TP63: variants seen among roughly 807,000 people sequenced by gnomAD.
TP63 encodes the protein tumor protein p63.
In TP63, 17 loss-of-function variants were observed where a neutral mutation model predicts 82.8. The ratio of observed to expected loss-of-function variants is 0.21; its 90% CI spans 0.14 to 0.31. TP63 has a LOEUF of 0.31. Ranked by LOEUF, TP63 falls within the 10% of genes least tolerant of loss-of-function variation. TP63 has a pLI of 1.00. For synonymous variants in TP63, 330 were observed against 321.7 expected (o/e 1.03, Z -0.28); for missense variants, 648 against 895.3 (o/e 0.72, Z 3.52).
the TP63 span, among the ~76,000 whole-genome samples, chr3:189,606,877 G>A: frequency 4.6e-5 from 7 of 152,112 alleles, no homozygotes; most frequent in South Asian, 1.5e-3. Flanking sequence ...GCTGGGTGTG[G>A]TGATTCACTC....
intron 3 of TP63, among the ~76,000 whole-genome samples, chr3:189,803,919 G>T (rs1576993307): frequency 6.6e-6 from 1 of 152,184 alleles, no homozygotes. Context: ...TGCTGAGATA[G>T]ATATATAATG....
chr3:189,625,181 G>A, the TP63 span, among the ~76,000 whole-genome samples: 3 of 152,134 alleles, frequency 2.0e-5, no homozygotes, highest in Admixed American at 6.6e-5. Flanking sequence ...ACCTTGGAAG[G>A]AACTCTGCAA....
At chr3:189,840,782 G>A (rs1016069210) in intron 4 of TP63, among the ~76,000 whole-genome samples, 5 of 149,724 alleles carry the variant, frequency 3.3e-5, no homozygotes, top group Admixed American at 6.7e-5. Context: ...GCTTGAACCC[G>A]GGAGGCAGAG....
intron 1 of TP63, among the ~76,000 whole-genome samples, chr3:189,724,743 T>C (rs1029752298): frequency 6.6e-6 from 1 of 152,214 alleles, no homozygotes; most frequent in Non-Finnish European, 1.5e-5. Flanking sequence ...TCTCCTCTGT[T>C]CACATTCTGT....
chr3:189,860,554 C>T (rs939751216), intron 4 of TP63, among the ~76,000 whole-genome samples: 1 of 152,152 alleles, frequency 6.6e-6, no homozygotes, highest in African/African-American at 2.4e-5. Flanking sequence ...GAAAAAAAAG[C>T]GATTGTGCCA....
chr3:189,717,569 C>A lies in TP63; in HGVS notation c.63-20171C>A, dbSNP rs115604922. 6.9e-3 allele frequency among the ~76,000 whole-genome samples: 1,048 copies of A among 152,248 alleles called. 13 individuals are homozygous for A. The highest frequency in any genetic ancestry group is 0.024 in the African/African-American group (976 of 41,532). On this transcript the variant is annotated intron_variant, in intron 1 of 13. Transcript: ENST00000264731. ...TAAACTCAATACACTAAAAATATGA[C>A]CTCACAAGCCTGTAGGTCACAGATA...
In TP63 at chr3:189,890,767, C is replaced by T. The variant is rs898659966; in HGVS notation, c.1653-22C>T. 2.5e-6 allele frequency: 4 copies of T among 1,609,188 alleles called. No individual in the cohort carries two copies. In the African/African-American group the frequency reaches 4.0e-5, roughly 16 times the overall value. On this transcript the variant is annotated intron_variant, in intron 12 of 13. Coordinates refer to ENST00000264731, the MANE Select transcript of TP63 (RefSeq NM_003722.5). ...ACTTTCTTTTTCTGTTTCCTCCTTC[C>T]TCTTCCCTCCTCCCTCTGCAGTTTC...
intron 4 of TP63, among the ~76,000 whole-genome samples, chr3:189,836,463 T>C (rs1713166574): frequency 1.3e-5 from 2 of 152,166 alleles, no homozygotes; most frequent in Non-Finnish European, 2.9e-5. Flanking sequence ...AGCAAAGCGT[T>C]TTTGCTTTGT....
rs552873532 is a variant in TP63 at position 189,738,265 on chromosome 3, T to C, written c.192-377T>C. ...GCTGTGAAACGTATTATTATTTCTT[T>C]ATTAAAACAGGTTTGGATAAGTGAG... On this transcript the variant is annotated intron_variant, in intron 2 of 13. Transcript: ENST00000264731. 8.5e-5 allele frequency among the ~76,000 whole-genome samples: 13 copies of C among 152,354 alleles called. No homozygotes were observed. The South Asian group carries it at 2.7e-3, about 32-fold the overall frequency.
chr3:189,631,985 C>T (rs139186400), intron 1 of TP63, among the ~76,000 whole-genome samples: 46 of 152,186 alleles, frequency 3.0e-4, no homozygotes, highest in African/African-American at 1.1e-3. Context: ...GATAACTAGC[C>T]ATTGTTGTAC....
intron 4 of TP63, chr3:189,844,208 G>A (rs1317832692): frequency 2.8e-6 from 1 of 350,928 alleles, no homozygotes; most frequent in African/African-American, 2.3e-5. Flanking sequence ...GTCTCGCCTT[G>A]TCTCCCAGGC....
intron 4 of TP63, among the ~76,000 whole-genome samples, chr3:189,852,284 T>C (rs1397277174): frequency 6.6e-6 from 1 of 152,232 alleles, no homozygotes; most frequent in Non-Finnish European, 1.5e-5. Flanking sequence ...ATGTAATTTT[T>C]TTATTTGTCC....
In TP63 at chr3:189,873,061, G is replaced by A. The variant is rs34372553; in HGVS notation, c.1349+66G>A. The A allele has an allele frequency of 6.9e-4, 1,110 of 1,608,116 alleles. 22 individuals carry two copies. The East Asian group carries it at 0.021, about 31-fold the overall frequency. On this transcript the variant is annotated intron_variant, in intron 10 of 13. Coordinates refer to ENST00000264731, the MANE Select transcript of TP63 (RefSeq NM_003722.5). ...GGTGACTTTATTTGGATCAGCAATA[G>A]GGTGATTGATGAGCAATGTGGAACA... is the stretch of plus-strand genomic sequence containing the variant.
intron 4 of TP63, among the ~76,000 whole-genome samples, chr3:189,824,741 C>G (rs1210754601): frequency 1.3e-5 from 2 of 151,874 alleles, no homozygotes; most frequent in Admixed American, 1.3e-4. Flanking sequence ...AGGGAGAGGC[C>G]CTTGTCAGAA....
At chr3:189,879,585 A>T (rs928902922) in intron 10 of TP63, among the ~76,000 whole-genome samples, 1 of 152,212 alleles carries the variant, frequency 6.6e-6, no homozygotes, top group South Asian at 2.1e-4. Flanking sequence ...ATGAGGGATA[A>T]TAATTGACCA....
At chr3:189,754,030 C>T (rs1011721975) in intron 3 of TP63, among the ~76,000 whole-genome samples, 1 of 152,054 alleles carries the variant, frequency 6.6e-6, no homozygotes, top group Non-Finnish European at 1.5e-5. Context: ...TTACTTTTGT[C>T]AGAGTAAAGA....
intron 3 of TP63, among the ~76,000 whole-genome samples, chr3:189,766,417 G>GTT (rs141603158): frequency 6.7e-6 from 1 of 149,666 alleles, no homozygotes; most frequent in Non-Finnish European, 1.5e-5. Context: ...TCCTAATCAG[G>GTT]TTTTTTTTTT....
rs150028891 is a variant in TP63 at position 189,808,391 on chromosome 3, C to G, written c.444C>G (p.Pro148=). ...AGAACAGCGTCACGGCGCCCTCGCC[C>G]TACGCACAGCCCAGCTCCACCTTCG... is the stretch of plus-strand genomic sequence containing the variant. ...HAQNSVTAPS[P]YAQPSSTFDA... Residue 148 remains proline, a synonymous_variant, in exon 4 of 14, where the codon CCC becomes CCG. Coordinates refer to ENST00000264731, the MANE Select transcript of TP63 (RefSeq NM_003722.5). 10 of 1,614,100 alleles carry G rather than the reference C, an allele frequency of 6.2e-6. No individual in the cohort carries two copies. Among genetic ancestry groups the G allele is most frequent in the Admixed American group, 3.3e-5 (2 of 60,008 alleles).
rs1291684474 is a variant in TP63, at chr3:189,840,255, C to T, written c.580-23977C>T. ...ACTTTTTTTTTCATGCAGTAATCCT[C>T]AAAAAGGTAGACGTCTACCATAATT... is the stretch of plus-strand genomic sequence containing the variant. On this transcript the variant is annotated intron_variant, in intron 4 of 13. Transcript: ENST00000264731. Among the ~76,000 whole-genome samples the T allele has an allele frequency of 2.0e-5, 3 of 150,346 alleles. No individual in the cohort carries two copies. The East Asian group carries it at 6.0e-4, about 30-fold the overall frequency.
Sources: gnomAD v4.1 joint callset for allele counts (sites outside exome capture counted in the v4.1 genomes callset) on GRCh38, gnomAD v4.1.1 for gene constraint, MANE v1.5 for transcripts, NCBI Gene and HGNC (gene_info 2026-07-23, HGNC 2026-07-21) for gene names.